SPAG6: variants seen among roughly 807,000 people sequenced by gnomAD.
SPAG6 encodes the protein sperm-associated antigen 6.
Under a neutral mutation model 58.5 loss-of-function variants are expected in SPAG6, and 49 were observed. The observed-to-expected ratio is 0.84, with a 90% CI of 0.67 to 1.06. The LOEUF (loss-of-function observed/expected upper bound fraction) is 1.06. SPAG6 is among the 50% of genes least tolerant of loss of function. SPAG6 has a pLI of 0.00. For synonymous variants in SPAG6, 233 were observed against 225.6 expected, an observed-to-expected ratio of 1.03 and a Z score of -0.29; for missense variants, 560 against 611.3, an observed-to-expected ratio of 0.92 and a Z score of 0.89.
intron 8 of SPAG6, among the ~76,000 whole-genome samples, chr10:22,400,510 AG>A (rs1383874647): frequency 5.9e-5 from 9 of 151,770 alleles, no homozygotes; most frequent in Non-Finnish European, 1.2e-4. Flanking sequence ...GGAGTGCAGG[AG>A]GGGGTAGAAA....
rs1837150820 is a variant in SPAG6 at position 22,364,913 on chromosome 10, C to T, written c.182C>T (p.Ala61Val). 6.2e-7 allele frequency: 1 copy of T among 1,613,384 alleles called. No individual in the cohort carries two copies. Residue 61 changes from alanine (A) to valine (V), a missense_variant, in exon 3 of 11, where the codon GCT becomes GTT. Ala to Val is a moderately conservative substitution (Grantham distance 64). Coordinates refer to ENST00000376624, the MANE Select transcript of SPAG6 (RefSeq NM_012443.4). ...GTGGTCCCAACAATTCAACAGACTG[C>T]TGCTTTGGCTCTTGGGAGACTGGCC... ...LDVVPTIQQT[A>V]ALALGRLANY...
intron 2 of SPAG6, among the ~76,000 whole-genome samples, chr10:22,350,967 T>C (rs1836711386): frequency 6.6e-6 from 1 of 152,252 alleles, no homozygotes; most frequent in Non-Finnish European, 1.5e-5. Context: ...AAACTGGAAC[T>C]AGAACTCATT....
intron 6 of SPAG6, 102 bp from the exon 7 acceptor site, chr10:22,389,058 C>A: frequency 1.2e-6 from 1 of 854,892 alleles, no homozygotes; most frequent in Non-Finnish European, 1.7e-6. Flanking sequence ...AATTCAATTT[C>A]ACCAGTTGTT....
intron 10 of SPAG6, among the ~76,000 whole-genome samples, chr10:22,415,041 C>T (rs1469765096): frequency 6.6e-6 from 1 of 152,150 alleles, no homozygotes. Context: ...GCTGGGATTA[C>T]AGGTGTGGGC....
At position 22,368,578 on chromosome 10, in the gene SPAG6, T is replaced by C. The variant is rs1263658088; in HGVS notation, c.372T>C (p.Cys124=). 1 of 1,613,874 alleles carries C rather than the reference T, an allele frequency of 6.2e-7. No individual in the cohort carries two copies. The highest frequency in any genetic ancestry group is 1.3e-5 in the African/African-American group (1 of 74,898). ...AGCTAGCTCAGGCAATAGTCGATTG[T>C]GGAGCACTGGATACGCTGGTCATAT... ...SPQLAQAIVD[C]GALDTLVICL... is the part of the protein sequence containing the mutation. The change falls in exon 4 of 11, where the codon TGT becomes TGC. Residue 124 remains cysteine, a synonymous_variant. Transcript: ENST00000376624.
chr10:22,392,881 T>C (rs1224506283), intron 8 of SPAG6, among the ~76,000 whole-genome samples: 3 of 152,160 alleles, frequency 2.0e-5, no homozygotes, highest in African/African-American at 7.2e-5. Context: ...GTTTGCATAT[T>C]ATTTCTCTAC....
chr10:22,369,722 C>A (rs1167369458), intron 4 of SPAG6, among the ~76,000 whole-genome samples: 10 of 152,222 alleles, frequency 6.6e-5, no homozygotes, highest in Non-Finnish European at 1.3e-4. Flanking sequence ...TGACACAATA[C>A]ATGTAAAGCA....
intron 2 of SPAG6, among the ~76,000 whole-genome samples, chr10:22,364,521 T>C (rs1450263757): frequency 6.6e-6 from 1 of 152,170 alleles, no homozygotes; most frequent in South Asian, 2.1e-4. Flanking sequence ...TTTTTTGTGT[T>C]AGGCATCATA....
intron 2 of SPAG6, among the ~76,000 whole-genome samples, chr10:22,350,253 A>G (rs1836682913): frequency 6.6e-6 from 1 of 152,170 alleles, no homozygotes; most frequent in East Asian, 1.9e-4. Flanking sequence ...AGCTATACAC[A>G]TTCTGTCTTT....
chr10:22,401,797 T>G (rs1262731459), intron 9 of SPAG6, among the ~76,000 whole-genome samples: 1 of 152,154 alleles, frequency 6.6e-6, no homozygotes, highest in Non-Finnish European at 1.5e-5. Flanking sequence ...TAAATGGTAG[T>G]AAGGTAGAAA....
In SPAG6 at chr10:22,417,195, G is replaced by C. The variant is rs1834886221; in HGVS notation, c.*507G>C. 6.6e-6 allele frequency: 1 copy of C among 152,248 alleles called. No homozygotes were observed. Among genetic ancestry groups the C allele is most frequent in the South Asian group, 2.1e-4 (1 of 4,832 alleles). The allele number at this position is 152,248 out of a possible 1,614,324, so 9.4% of individuals were successfully genotyped here. On this transcript the variant is annotated 3_prime_UTR_variant, in exon 11 of 11. Coordinates refer to ENST00000376624, the MANE Select transcript of SPAG6 (RefSeq NM_012443.4). ...TAGTTATATAAGTGCATTAACTTAAGACACGGACTCTGTGGGTAACCTGTT... is the reference window on the plus strand; with the variant it reads ...TAGTTATATAAGTGCATTAACTTAACACACGGACTCTGTGGGTAACCTGTT...
intron 3 of SPAG6, among the ~76,000 whole-genome samples, chr10:22,368,010 T>A (rs1389642262): frequency 6.6e-6 from 1 of 152,154 alleles, no homozygotes; most frequent in Non-Finnish European, 1.5e-5. Flanking sequence ...TTCAGAATAA[T>A]TTAGGACACC....
chr10:22,401,140 C>A, intron 8 of SPAG6, 21 bp from the exon 9 acceptor site: 2 of 1,083,936 alleles, frequency 1.8e-6, no homozygotes, highest in Non-Finnish European at 2.9e-6. Context: ...CTTATGTATA[C>A]ATTCTGCTTT....
intron 6 of SPAG6, among the ~76,000 whole-genome samples, chr10:22,388,842 T>C (rs1264089793): frequency 6.6e-6 from 1 of 151,738 alleles, no homozygotes; most frequent in East Asian, 1.9e-4. Context: ...GATGGGGGGG[T>C]TTCAGTAGTT....
intron 3 of SPAG6, among the ~76,000 whole-genome samples, chr10:22,367,553 G>A (rs1212417535): frequency 6.6e-6 from 1 of 152,068 alleles, no homozygotes; most frequent in African/African-American, 2.4e-5. Context: ...CTTTTCATTA[G>A]TCACTGTGAA....
chr10:22,412,749 T>A (rs1834771846), intron 10 of SPAG6: 1 of 288,566 alleles, frequency 3.5e-6, no homozygotes, highest in Admixed American at 5.1e-5. Flanking sequence ...TGTTTTGTAG[T>A]TTTAGTAGAG....
intron 9 of SPAG6, among the ~76,000 whole-genome samples, chr10:22,409,914 A>G (rs538116841): frequency 6.6e-6 from 1 of 152,214 alleles, no homozygotes; most frequent in South Asian, 2.1e-4. Flanking sequence ...GTTCTATCCT[A>G]CCGTGGTCTA....
rs574763799 is a variant in SPAG6 at position 22,369,354 on chromosome 10, C to T, written c.472+676C>T. On this transcript the variant is annotated intron_variant, in intron 4 of 10. Coordinates refer to ENST00000376624, the MANE Select transcript of SPAG6 (RefSeq NM_012443.4). Reference sequence around the variant, plus strand: ...ACATGAGGAACATAATTTTCCCCGTCACTTTATAGAAGTTGCTTATGAACA... The same window carrying T: ...ACATGAGGAACATAATTTTCCCCGTTACTTTATAGAAGTTGCTTATGAACA... 2.6e-5 allele frequency among the ~76,000 whole-genome samples: 4 copies of T among 152,286 alleles called. No individual in the cohort carries two copies. In the South Asian group the frequency reaches 8.3e-4, roughly 32 times the overall value.
At chr10:22,350,878 G>GAA (rs1310778740) in intron 2 of SPAG6, among the ~76,000 whole-genome samples, 1 of 152,230 alleles carries the variant, frequency 6.6e-6, no homozygotes, top group East Asian at 1.9e-4. Context: ...GAATGAGGAA[G>GAA]AAAAGTTTTT....
Sources: allele counts gnomAD v4.1 joint callset (sites outside exome capture counted in the v4.1 genomes callset), GRCh38; gene constraint gnomAD v4.1.1; transcripts MANE v1.5; gene names NCBI Gene and HGNC (gene_info 2026-07-23, HGNC 2026-07-21).